Variants in EME2 observed in about 807,000 individuals in gnomAD.
The protein encoded by EME2 is essential meiotic structure-specific endonuclease subunit 2, also known as structure-specific endonuclease subunit EME2.
EME2 carries 58 observed loss-of-function variants against 41.9 expected under a neutral mutation model. The observed-to-expected ratio is 1.38, with a 90% CI of 1.12 to 1.72. EME2 has a LOEUF of 1.72. EME2 is among the 40% of genes most tolerant of loss of function. The pLI, the probability that EME2 is intolerant of heterozygous loss-of-function variation, is 0.00. For missense variants in EME2, 695 were observed against 541.9 expected (o/e 1.28, Z -2.81); for synonymous variants, 334 against 239.3 (o/e 1.40, Z -3.65).
In EME2 at chr16:1,776,824, A is replaced by T. The variant is rs2042720050; in HGVS notation, c.*586A>T. On this transcript the variant is annotated 3_prime_UTR_variant, in exon 8 of 8. Transcript: ENST00000568449. ...GGAAAAACCGAGGCCCTGTGGGAACAGCAACGCGGGCTCCAGCCAGGCTCT... is the reference window on the plus strand; with the variant it reads ...GGAAAAACCGAGGCCCTGTGGGAACTGCAACGCGGGCTCCAGCCAGGCTCT... 1.9e-6 allele frequency: 1 copy of T among 521,186 alleles called. No individual in the cohort carries two copies. Among genetic ancestry groups the T allele is most frequent in the Non-Finnish European group, 3.4e-6 (1 of 294,502 alleles). 32.3% of individuals were successfully genotyped at this position (521,186 alleles called of 1,614,324 possible). A position where few individuals can be genotyped will look rare whatever the true frequency, so the allele number is the denominator to read the frequency against.
chr16:1,773,295 G>A lies in EME2; in HGVS notation c.68G>A (p.Ser23Asn). 3 of 1,488,224 alleles carry A rather than the reference G, an allele frequency of 2.0e-6. No individual in the cohort carries two copies. Among genetic ancestry groups the A allele is most frequent in the Non-Finnish European group, 2.7e-6 (3 of 1,127,256 alleles). The allele number at this position is 1,488,224 out of a possible 1,614,324, so 92.2% of individuals were successfully genotyped here. A position where few individuals can be genotyped will look rare whatever the true frequency, so the allele number is the denominator to read the frequency against. The change falls in exon 1 of 8, where the codon AGC (serine) becomes AAC (asparagine). Residue 23 changes from serine to asparagine, a missense_variant. Physicochemically the swap from Ser to Asn is conservative, Grantham distance 46. Transcript: ENST00000568449. ...CQGRGRGRGGSGQRRPPTWEI... is the reference protein window; with the variant it reads ...CQGRGRGRGGNGQRRPPTWEI... Reference sequence around the variant, plus strand: ...GGCCGGGGCCGGGGACGGGGCGGGAGCGGTCAGCGGCGACCTCCAACCTGG... The same window carrying A: ...GGCCGGGGCCGGGGACGGGGCGGGAACGGTCAGCGGCGACCTCCAACCTGG...
chr16:1,781,637 G>A lies in EME2; in HGVS notation c.*5399G>A. On this transcript the variant is annotated 3_prime_UTR_variant, in exon 8 of 8. Coordinates refer to ENST00000568449, the MANE Select transcript of EME2 (RefSeq NM_001257370.2). ...CAGCCAGGGCTCCAGAACGCTTCAG[G>A]AGCCCGTACCTCACTCCAGGATCTG... is the stretch of plus-strand genomic sequence containing the variant. The A allele has an allele frequency of 1.2e-6, 1 of 847,572 alleles. No individual in the cohort carries two copies. The highest frequency in any genetic ancestry group is 2.9e-5 in the Admixed American group (1 of 34,398). The allele number at this position is 847,572 out of a possible 1,614,324, so 52.5% of individuals were successfully genotyped here.
intron 2 of EME2, among the ~76,000 whole-genome samples, 188 bp downstream of exon 2, chr16:1,774,029 G>A (rs2042672567): frequency 6.6e-6 from 1 of 152,264 alleles, no homozygotes; most frequent in African/African-American, 2.4e-5. Context: ...CGAGCTGGCT[G>A]GAGAAGGTTC....
chr16:1,773,753 C>T lies in EME2; in HGVS notation c.296C>T (p.Ala99Val), dbSNP rs2042667753. 1 of 1,549,602 alleles carries T rather than the reference C, an allele frequency of 6.5e-7. No individual in the cohort carries two copies. The highest frequency in any genetic ancestry group is 8.7e-7 in the Non-Finnish European group (1 of 1,147,724). The part of the protein sequence containing the change: ...GADVLMEALE[A>V]LGCECRIEPQ... Reference sequence around the variant, plus strand: ...GACGTCCTGATGGAGGCCCTGGAGGCCCTGGGCTGCGAGTGCCGCATCGAG... The same window carrying T: ...GACGTCCTGATGGAGGCCCTGGAGGTCCTGGGCTGCGAGTGCCGCATCGAG... The change falls in exon 2 of 8, where the codon GCC becomes GTC. Residue 99 changes from alanine to valine, a missense_variant. Transcript: ENST00000568449.
rs762526983 is a variant in EME2, at chr16:1,778,621, G to C, written c.*2383G>C. The C allele has an allele frequency of 1.3e-4, 201 of 1,538,316 alleles. 2 individuals carry two copies. In the South Asian group the frequency reaches 2.1e-3, roughly 16 times the overall value. On this transcript the variant is annotated 3_prime_UTR_variant, in exon 8 of 8. Coordinates refer to ENST00000568449, the MANE Select transcript of EME2 (RefSeq NM_001257370.2). ...GAGTCCGAGTCGCTGTGCTGGGAGAGAAGGGCCGGCTGTTACTACCTGTTG... is the reference window on the plus strand; with the variant it reads ...GAGTCCGAGTCGCTGTGCTGGGAGACAAGGGCCGGCTGTTACTACCTGTTG...
chr16:1,776,600 C>T lies in EME2; in HGVS notation c.*362C>T. 1 of 316,306 alleles carries T rather than the reference C, an allele frequency of 3.2e-6. No homozygotes were observed. The highest frequency in any genetic ancestry group is 5.9e-6 in the Non-Finnish European group (1 of 170,048). 19.6% of individuals were successfully genotyped at this position (316,306 alleles called of 1,614,324 possible). The stretch of plus-strand genomic sequence containing the variant: ...GAGGCTTGGGGTGTGGCACCCTCAG[C>T]CAGAAGCAGTAGGGGACTCCCAAGG... On this transcript the variant is annotated 3_prime_UTR_variant, in exon 8 of 8. Transcript: ENST00000568449.
chr16:1,773,705 C>G lies in EME2; in HGVS notation c.248C>G (p.Ala83Gly). ...CCGCGCTCCTCTCCCCCGGTCCCAG[C>G]CATCCTGGAAGACGCCGGTGCCGAC... Reference protein sequence around the residue: ...LKRLAVCVDTAILEDAGADVL... With the variant: ...LKRLAVCVDTGILEDAGADVL... The change falls in exon 2 of 8, where the codon GCC becomes GGC. Residue 83 changes from alanine (A) to glycine (G), a missense_variant and splice_region_variant. Ala to Gly is a moderately conservative substitution (Grantham distance 60, BLOSUM62 0). Transcript: ENST00000568449. 1 of 1,548,732 alleles carries G rather than the reference C, an allele frequency of 6.5e-7. No homozygotes were observed. Among genetic ancestry groups the G allele is most frequent in the Non-Finnish European group, 8.7e-7 (1 of 1,147,076 alleles).
Position 1,776,850 on chromosome 16 carries a change from C to A in EME2, c.*612C>A. 1 of 545,326 alleles carries A rather than the reference C, an allele frequency of 1.8e-6. No homozygotes were observed. 33.8% of individuals were successfully genotyped at this position (545,326 alleles called of 1,614,324 possible). A position where few individuals can be genotyped will look rare whatever the true frequency, so the allele number is the denominator to read the frequency against. ...GCAACGCGGGCTCCAGCCAGGCTCT[C>A]GTCCTCGCAGCCTCCCACAAGACCT... On this transcript the variant is annotated 3_prime_UTR_variant, in exon 8 of 8. Coordinates refer to ENST00000568449, the MANE Select transcript of EME2 (RefSeq NM_001257370.2).
Position 1,773,401 on chromosome 16 carries a change from G to C in EME2, c.174G>C (p.Arg58Ser). ...CCCGGGACCCAGCGGGTGAGCGCAG[G>C]GCGGCTGCCGAGGCGTTGCGGCTGC... ...ARARDPAGERRAAAEALRLLR... is the reference protein window; with the variant it reads ...ARARDPAGERSAAAEALRLLR... Residue 58 changes from arginine to serine, a missense_variant, in exon 1 of 8, where the codon AGG becomes AGC. Physicochemically the swap from Arg to Ser is moderately radical, Grantham distance 110. Coordinates refer to ENST00000568449, the MANE Select transcript of EME2 (RefSeq NM_001257370.2). The C allele has an allele frequency of 6.4e-7, 1 of 1,563,342 alleles. No individual in the cohort carries two copies. Among genetic ancestry groups the C allele is most frequent in the Non-Finnish European group, 8.6e-7 (1 of 1,163,792 alleles).
Position 1,776,830 on chromosome 16 carries a change from G to A in EME2, c.*592G>A, listed in dbSNP as rs1407436485. On this transcript the variant is annotated 3_prime_UTR_variant, in exon 8 of 8. Coordinates refer to ENST00000568449, the MANE Select transcript of EME2 (RefSeq NM_001257370.2). The stretch of plus-strand genomic sequence containing the variant: ...ACCGAGGCCCTGTGGGAACAGCAAC[G>A]CGGGCTCCAGCCAGGCTCTCGTCCT... The A allele has an allele frequency of 3.8e-5, 20 of 526,714 alleles. No homozygotes were observed. Among genetic ancestry groups the A allele is most frequent in the Admixed American group, 1.1e-4 (3 of 28,318 alleles). The allele number at this position is 526,714 out of a possible 1,614,324, so 32.6% of individuals were successfully genotyped here.
chr16:1,777,480 G>T lies in EME2; in HGVS notation c.*1242G>T. The T allele has an allele frequency of 6.8e-7, 1 of 1,460,508 alleles. No individual in the cohort carries two copies. Among genetic ancestry groups the T allele is most frequent in the Non-Finnish European group, 9.0e-7 (1 of 1,106,968 alleles). 90.5% of individuals were successfully genotyped at this position (1,460,508 alleles called of 1,614,324 possible). On this transcript the variant is annotated 3_prime_UTR_variant, in exon 8 of 8. Coordinates refer to ENST00000568449, the MANE Select transcript of EME2 (RefSeq NM_001257370.2). ...GGGCCCAGCCTGAACCCCAGGCAGG[G>T]AAGGGGCCAGCTACTGGGCGCAGCC...
Position 1,777,718 on chromosome 16 carries a change from G to A in EME2, c.*1480G>A, listed in dbSNP as rs2042734814. The A allele has an allele frequency of 1.9e-6, 3 of 1,608,104 alleles. No individual in the cohort carries two copies. The highest frequency in any genetic ancestry group is 2.5e-6 in the Non-Finnish European group (3 of 1,177,228). On this transcript the variant is annotated 3_prime_UTR_variant, in exon 8 of 8. Coordinates refer to ENST00000568449, the MANE Select transcript of EME2 (RefSeq NM_001257370.2). The stretch of plus-strand genomic sequence containing the variant: ...CTGCCTCCCTCGGGGTGACAGCTGA[G>A]AGGAGCTCAAGTCCTGTGACGGCCT...
rs1490001317 is a variant in EME2, at chr16:1,781,133, T to A, written c.*4895T>A. 2 of 1,495,342 alleles carry A rather than the reference T, an allele frequency of 1.3e-6. No homozygotes were observed. Among genetic ancestry groups the A allele is most frequent in the Non-Finnish European group, 1.8e-6 (2 of 1,118,808 alleles). The allele number at this position is 1,495,342 out of a possible 1,614,324, so 92.6% of individuals were successfully genotyped here. A position where few individuals can be genotyped will look rare whatever the true frequency, so the allele number is the denominator to read the frequency against. On this transcript the variant is annotated 3_prime_UTR_variant, in exon 8 of 8. Transcript: ENST00000568449. ...AAAGCACAGTGAAGAATGCAGTGTG[T>A]TCTGAGGTCCTGTCACCCCTGAGGC... is the stretch of plus-strand genomic sequence containing the variant.
At position 1,775,342 on chromosome 16, in the gene EME2, ACAG is replaced by A. The variant is rs1176379875; in HGVS notation, c.602_604del (p.Gln201del). 2 of 1,611,012 alleles carry A rather than the reference ACAG, an allele frequency of 1.2e-6. No individual in the cohort carries two copies. Among genetic ancestry groups the A allele is most frequent in the Non-Finnish European group, 1.7e-6 (2 of 1,180,008 alleles). On this transcript the variant is annotated inframe_deletion, in exon 5 of 8. Coordinates refer to ENST00000568449, the MANE Select transcript of EME2 (RefSeq NM_001257370.2). The stretch of plus-strand genomic sequence containing the variant: ...CTCGCCAGCACGTTTCCCGGGGGAC[ACAG>A]CAGCCAGAGAGCCCGAAGGTGGCCG...
rs1388539727 is a variant in EME2 at position 1,777,417 on chromosome 16, T to C, written c.*1179T>C. On this transcript the variant is annotated 3_prime_UTR_variant, in exon 8 of 8. Transcript: ENST00000568449. ...GAGCACACCATCGGGTAGAATCTCT[T>C]GTTCTGCAGCTTGGTGGCTGCCACA... 1.3e-6 allele frequency: 2 copies of C among 1,551,970 alleles called. No homozygotes were observed. Among genetic ancestry groups the C allele is most frequent in the African/African-American group, 2.7e-5 (2 of 73,840 alleles).
Position 1,778,540 on chromosome 16 carries a change from C to T in EME2, c.*2302C>T, listed in dbSNP as rs370120861. The T allele has an allele frequency of 6.2e-6, 10 of 1,608,360 alleles. No individual in the cohort carries two copies. The highest frequency in any genetic ancestry group is 3.3e-5 in the Admixed American group (2 of 59,894). Reference sequence around the variant, plus strand: ...CCAGCACAGTCACAGAAGGACTCGCCGGTCACGGGCACCGCACTGGGGATG... The same window carrying T: ...CCAGCACAGTCACAGAAGGACTCGCTGGTCACGGGCACCGCACTGGGGATG... On this transcript the variant is annotated 3_prime_UTR_variant, in exon 8 of 8. Coordinates refer to ENST00000568449, the MANE Select transcript of EME2 (RefSeq NM_001257370.2).
Position 1,774,242 on chromosome 16 carries a change from G to C in EME2, c.385-18G>C. ...CCGGGGTTGAGACAGGCAGCAGCGCGTCCCCATGTCCCCACAGCTGCCTCC... is the reference window on the plus strand; with the variant it reads ...CCGGGGTTGAGACAGGCAGCAGCGCCTCCCCATGTCCCCACAGCTGCCTCC... On this transcript the variant is annotated intron_variant, in intron 2 of 7. Transcript: ENST00000568449. 1 of 1,608,116 alleles carries C rather than the reference G, an allele frequency of 6.2e-7. No individual in the cohort carries two copies. The highest frequency in any genetic ancestry group is 8.5e-7 in the Non-Finnish European group (1 of 1,176,194).
chr16:1,778,387 A>T lies in EME2; in HGVS notation c.*2149A>T, dbSNP rs1210543069. On this transcript the variant is annotated 3_prime_UTR_variant, in exon 8 of 8. Coordinates refer to ENST00000568449, the MANE Select transcript of EME2 (RefSeq NM_001257370.2). ...ATGGGGCTCTGCCCTGCCCACCCCC[A>T]GGCCCGCCCGCAGTGCAGTCCCAGC... 6.2e-7 allele frequency: 1 copy of T among 1,606,622 alleles called. No homozygotes were observed. The highest frequency in any genetic ancestry group is 2.2e-5 in the East Asian group (1 of 44,764).
chr16:1,775,393 G>A lies in EME2; in HGVS notation c.648G>A (p.Trp216Ter). The stretch of plus-strand genomic sequence containing the variant: ...CCGGTGCCGAGGTGGCCGTCAGCTG[G>A]CCGGAGGTGGAAGAGGTGAGGGCCT... Reference protein sequence around the residue: ...KVAGAEVAVSWPEVEEALVLL... With the variant: ...KVAGAEVAVS The change falls in exon 5 of 8, where the codon TGG (tryptophan) becomes TGA (stop). Residue 216 changes from tryptophan to a stop codon, truncating the protein, a stop_gained. Coordinates refer to ENST00000568449, the MANE Select transcript of EME2 (RefSeq NM_001257370.2). LOFTEE classifies it high-confidence loss of function. 6.2e-7 allele frequency: 1 copy of A among 1,612,612 alleles called. No homozygotes were observed. Among genetic ancestry groups the A allele is most frequent in the Non-Finnish European group, 8.5e-7 (1 of 1,179,906 alleles).
Sources: gnomAD v4.1 joint callset for allele counts (sites outside exome capture counted in the v4.1 genomes callset) on GRCh38, gnomAD v4.1.1 for gene constraint, MANE v1.5 for transcripts, NCBI Gene and HGNC (gene_info 2026-07-23, HGNC 2026-07-21) for gene names.